Variants in SFSWAP observed in about 807,000 individuals in gnomAD.
The protein encoded by SFSWAP is splicing factor SWAP, also known as splicing factor, suppressor of white-apricot homolog.
A neutral mutation model predicts 100.7 loss-of-function variants in SFSWAP; 17 were observed. The observed-to-expected ratio is 0.17, with a 90% CI of 0.12 to 0.25. The LOEUF is 0.25. SFSWAP is among the 10% of genes least tolerant of loss of function. The pLI is 1.00. For synonymous variants in SFSWAP, 504 were observed against 510.1 expected, an observed-to-expected ratio of 0.99 and a Z score of 0.16; for missense variants, 1,005 against 1,262.6, an observed-to-expected ratio of 0.80 and a Z score of 3.09.
At position 131,744,124 on chromosome 12, in the gene SFSWAP, G is replaced by A. The variant is rs752039278; in HGVS notation, c.1082-8999G>A. On this transcript the variant is annotated intron_variant, in intron 7 of 17. Coordinates refer to ENST00000261674, the MANE Select transcript of SFSWAP (RefSeq NM_004592.4). ...CTGTGATGGGAGGGGCTGCCATGAAGACCTCTGACATGTTCTAGAGACATT... is the reference window on the plus strand; with the variant it reads ...CTGTGATGGGAGGGGCTGCCATGAAAACCTCTGACATGTTCTAGAGACATT... Among the ~76,000 whole-genome samples, 9 of 152,222 alleles carry A rather than the reference G, an allele frequency of 5.9e-5. No homozygotes were observed. The South Asian group carries it at 6.2e-4, about 11-fold the overall frequency.
At chr12:131,724,309 T>C (rs1878759265) in intron 4 of SFSWAP, among the ~76,000 whole-genome samples, 1 of 152,226 alleles carries the variant, frequency 6.6e-6, no homozygotes, top group Non-Finnish European at 1.5e-5. Context: ...TATTGATGTG[T>C]TTATGGAATA....
At position 131,725,322 on chromosome 12, in the gene SFSWAP, G is replaced by A; in HGVS notation, c.607-83G>A. Reference sequence around the variant, plus strand: ...TCTTAAAATTGACAGTAAAACCAGAGTCATTTCTATGTTTTAATGAAATCA... The same window carrying A: ...TCTTAAAATTGACAGTAAAACCAGAATCATTTCTATGTTTTAATGAAATCA... On this transcript the variant is annotated intron_variant, in intron 4 of 17. Coordinates refer to ENST00000261674, the MANE Select transcript of SFSWAP (RefSeq NM_004592.4). This position sits in a 1 kb window ranked among gnomAD's most constrained non-coding sequence, Gnocchi z 4.3. 1 of 1,164,892 alleles carries A rather than the reference G, an allele frequency of 8.6e-7. No individual in the cohort carries two copies. Among genetic ancestry groups the A allele is most frequent in the Non-Finnish European group, 1.3e-6 (1 of 778,432 alleles). 72.2% of individuals were successfully genotyped at this position (1,164,892 alleles called of 1,614,324 possible).
chr12:131,796,046 G>C (rs2136283399), intron 15 of SFSWAP: 1 of 72,670 alleles, frequency 1.4e-5, no homozygotes, highest in East Asian at 5.2e-4. Context: ...GGGGAGCGGA[G>C]AGGGGGAGGG....
rs1213139555 is a variant in SFSWAP at position 131,775,489 on chromosome 12, C to T, written c.2143-2576C>T. 2.0e-5 allele frequency among the ~76,000 whole-genome samples: 3 copies of T among 152,270 alleles called. No individual in the cohort carries two copies. In the East Asian group the frequency reaches 5.8e-4, roughly 29 times the overall value. On this transcript the variant is annotated intron_variant, in intron 13 of 17. Transcript: ENST00000261674. Reference sequence around the variant, plus strand: ...GGATACTGGCATTTTTTTAGTGCATCAGCTGATTTCTCTGGTGTCCACCCA... The same window carrying T: ...GGATACTGGCATTTTTTTAGTGCATTAGCTGATTTCTCTGGTGTCCACCCA...
rs145935073 is a variant in SFSWAP at position 131,753,328 on chromosome 12, T to G, written c.1287T>G (p.Thr429=). 6.6e-5 allele frequency: 106 copies of G among 1,612,290 alleles called. No individual in the cohort carries two copies. In the African/African-American group the frequency reaches 1.3e-3, roughly 19 times the overall value. Residue 429 remains threonine, a synonymous_variant, in exon 8 of 18, where the codon ACT becomes ACG. Transcript: ENST00000261674. ...TPLPPPTTAE[T]SSGATSTTTT... ...TACCGCCCCCAACCACAGCAGAGAC[T>G]AGCAGCGGGGCCACCTCCACAACCA...
chr12:131,797,113 C>T, intron 15 of SFSWAP, 65 bp from the exon 16 acceptor site: 11 of 1,471,796 alleles, frequency 7.5e-6, no homozygotes, highest in Non-Finnish European at 1.0e-5. Context: ...CAGATCCGAG[C>T]TTCTCCCTTT....
intron 4 of SFSWAP, among the ~76,000 whole-genome samples, chr12:131,721,296 T>C (rs1878455929): frequency 6.6e-6 from 1 of 152,232 alleles, no homozygotes; most frequent in African/African-American, 2.4e-5. Context: ...CCAAACTATA[T>C]TACTACATAT....
At chr12:131,753,392 G>C in intron 8 of SFSWAP, 29 bp downstream of exon 8, 3 of 1,594,758 alleles carry the variant, frequency 1.9e-6, no homozygotes, top group Non-Finnish European at 2.6e-6. Context: ...GCTGCCTGCT[G>C]TGTGAGTCAC....
At chr12:131,722,907 C>T (rs1360509548) in intron 4 of SFSWAP, among the ~76,000 whole-genome samples, 2 of 152,112 alleles carry the variant, frequency 1.3e-5, no homozygotes, top group African/African-American at 4.8e-5. Context: ...TAATACGGTA[C>T]TGCTGCACTC....
intron 7 of SFSWAP, among the ~76,000 whole-genome samples, chr12:131,738,630 G>T (rs1880274774): frequency 6.6e-6 from 1 of 152,168 alleles, no homozygotes; most frequent in African/African-American, 2.4e-5. Flanking sequence ...TTGAGAGGTT[G>T]TCATTGTAGA....
At chr12:131,717,683 A>T (rs1878056781) in intron 3 of SFSWAP, among the ~76,000 whole-genome samples, 1 of 152,070 alleles carries the variant, frequency 6.6e-6, no homozygotes, top group South Asian at 2.1e-4. Flanking sequence ...TGTTTTAATC[A>T]TTTTTTTCAT....
At chr12:131,784,931 A>T in intron 14 of SFSWAP, 1 of 540,170 alleles carries the variant, frequency 1.9e-6, no homozygotes, top group Non-Finnish European at 2.9e-6. Flanking sequence ...TTTCCTGATT[A>T]TTGAGTTTAT....
At position 131,778,722 on chromosome 12, in the gene SFSWAP, C is replaced by G. The variant is rs779899881; in HGVS notation, c.2408+392C>G. 6.6e-6 allele frequency among the ~76,000 whole-genome samples: 1 copy of G among 151,942 alleles called. No individual in the cohort carries two copies. Among genetic ancestry groups the G allele is most frequent in the Non-Finnish European group, 1.5e-5 (1 of 67,980 alleles). On this transcript the variant is annotated intron_variant, in intron 14 of 17. Coordinates refer to ENST00000261674, the MANE Select transcript of SFSWAP (RefSeq NM_004592.4). This position sits in a 1 kb window ranked among gnomAD's most constrained non-coding sequence, Gnocchi z 4.2. ...TAGTAGAGACGGGGTTTCACCGTGT[C>G]GGCCAGGCTGGTCTTAAACTCCTGA...
At chr12:131,761,607 T>TGG (rs1323875484) in intron 11 of SFSWAP, among the ~76,000 whole-genome samples, 2 of 152,106 alleles carry the variant, frequency 1.3e-5, no homozygotes, top group Non-Finnish European at 2.9e-5. Flanking sequence ...GTGGCAGCCT[T>TGG]GGGAAGGAAC....
At position 131,769,872 on chromosome 12, in the gene SFSWAP, C is replaced by T. The variant is rs1320302218; in HGVS notation, c.2142+3564C>T. On this transcript the variant is annotated intron_variant, in intron 13 of 17. Coordinates refer to ENST00000261674, the MANE Select transcript of SFSWAP (RefSeq NM_004592.4). The stretch of plus-strand genomic sequence containing the variant: ...TCAATCTGTCCTATTTATTTTTACA[C>T]GTACCCTCTCACCTCTCCTGTTTGC... Among the ~76,000 whole-genome samples, 32 of 152,128 alleles carry T rather than the reference C, an allele frequency of 2.1e-4. 1 individual carries two copies. The highest frequency in any genetic ancestry group is 2.0e-3 in the Admixed American group (31 of 15,264).
At chr12:131,791,894 G>A in intron 15 of SFSWAP, among the ~76,000 whole-genome samples, 1 of 152,282 alleles carries the variant, frequency 6.6e-6, no homozygotes, top group African/African-American at 2.4e-5. Flanking sequence ...ATGCACCCTT[G>A]TCTGTTCACA....
At chr12:131,799,131 C>A (rs1885887939) in intron 17 of SFSWAP, 22 bp downstream of exon 17, 2 of 1,585,930 alleles carry the variant, frequency 1.3e-6, no homozygotes, top group African/African-American at 1.3e-5. Context: ...CGCCCCCCTC[C>A]CGCTCCCAGC....
chr12:131,711,776 T>G lies in SFSWAP; in HGVS notation c.218+329T>G. 1 of 303,432 alleles carries G rather than the reference T, an allele frequency of 3.3e-6. No homozygotes were observed. The highest frequency in any genetic ancestry group is 6.3e-6 in the Non-Finnish European group (1 of 158,326). The allele number at this position is 303,432 out of a possible 1,614,324, so 18.8% of individuals were successfully genotyped here. On this transcript the variant is annotated intron_variant, in intron 1 of 17. Coordinates refer to ENST00000261674, the MANE Select transcript of SFSWAP (RefSeq NM_004592.4). The surrounding 1 kb of genome is among the most constrained non-coding windows in gnomAD (Gnocchi z 4.9). ...AAAGCAGCCAGTGCCCAGGGTCTTT[T>G]CCTGAGTGCACCTGGGCCTGCCGCC...
At position 131,764,624 on chromosome 12, in the gene SFSWAP, C is replaced by T. The variant is rs151073155; in HGVS notation, c.1889C>T (p.Pro630Leu). The change falls in exon 12 of 18, where the codon CCC (proline) becomes CTC (leucine). Residue 630 changes from proline to leucine, a missense_variant. Around this residue, in one of 7 missense-constraint regions of SFSWAP, gnomAD observed 82 missense variants for 131.0 expected, o/e 0.63. Coordinates refer to ENST00000261674, the MANE Select transcript of SFSWAP (RefSeq NM_004592.4). ...AANTNPAVAPPCVVVEEKKPQ... is the reference protein window; with the variant it reads ...AANTNPAVAPLCVVVEEKKPQ... Reference sequence around the variant, plus strand: ...AACACTAACCCAGCAGTTGCCCCACCCTGTGTAGTTGTTGAGGAGAAGAAG... The same window carrying T: ...AACACTAACCCAGCAGTTGCCCCACTCTGTGTAGTTGTTGAGGAGAAGAAG... 15 of 1,614,054 alleles carry T rather than the reference C, an allele frequency of 9.3e-6. No individual in the cohort carries two copies. The highest frequency in any genetic ancestry group is 1.3e-5 in the Non-Finnish European group (15 of 1,180,044).
Sources: allele counts gnomAD v4.1 joint callset (sites outside exome capture counted in the v4.1 genomes callset), GRCh38; gene constraint gnomAD v4.1.1; regional missense constraint gnomAD v4.1.1; non-coding constraint Gnocchi (gnomAD v3.1); transcripts MANE v1.5; gene names NCBI Gene and HGNC (gene_info 2026-07-23, HGNC 2026-07-21).